The following MSI2 variants were observed in gnomAD, a reference collection of about 807,000 sequenced individuals.
MSI2 encodes musashi RNA binding protein 2.
In MSI2, 17 loss-of-function variants were observed where a neutral mutation model predicts 45.6. That is an observed-to-expected ratio of 0.37 (90% CI 0.26 to 0.56). The LOEUF (loss-of-function observed/expected upper bound fraction) is 0.56, where lower values mean the gene tolerates loss of function less well. MSI2 is among the 20% of genes least tolerant of loss of function. The pLI, the probability that MSI2 is intolerant of heterozygous loss-of-function variation, is 0.77. For missense variants in MSI2, 293 were observed against 444.2 expected (o/e 0.66, Z 3.06); for synonymous variants, 156 against 158.2 (o/e 0.99, Z 0.11).
chr17:57,280,168 CAG>C lies in MSI2; in HGVS notation c.312+17977_312+17978del, dbSNP rs377247365. Among the ~76,000 whole-genome samples the C allele has an allele frequency of 4.1e-3, 619 of 152,084 alleles. 2 individuals carry two copies. Among genetic ancestry groups the C allele is most frequent in the African/African-American group, 0.014 (584 of 41,468 alleles). ...GCTGGAATGCAGAGAGTGAGGAGGA[CAG>C]GGGGACAGGCGAGGTCACACTTGCG... is the stretch of plus-strand genomic sequence containing the variant. On this transcript the variant is annotated intron_variant, in intron 5 of 13. Transcript: ENST00000284073. The surrounding 1 kb of genome is among the most constrained non-coding windows in gnomAD (Gnocchi z 4.2).
chr17:57,700,827 G>A, the MSI2 span, among the ~76,000 whole-genome samples: 45 of 151,882 alleles, frequency 3.0e-4, no homozygotes, highest in Non-Finnish European at 4.6e-4. Context: ...GCTTGAACTC[G>A]AGAGGCGGGG....
At chr17:57,440,585 G>A (rs768213018) in intron 6 of MSI2, 5 of 152,192 alleles carry the variant, frequency 3.3e-5, no homozygotes, top group Admixed American at 6.6e-5. Flanking sequence ...TCTTAAAAAC[G>A]AGCTGGGCTA....
chr17:57,347,715 T>C (rs1915723053), intron 5 of MSI2, among the ~76,000 whole-genome samples: 1 of 152,178 alleles, frequency 6.6e-6, no homozygotes, highest in South Asian at 2.1e-4. Flanking sequence ...CTTGGTAGAG[T>C]AGGTTTGTCT....
chr17:57,484,867 C>G (rs17221329), intron 6 of MSI2, among the ~76,000 whole-genome samples: 4,991 of 152,250 alleles, frequency 0.033, 104 homozygotes, highest in South Asian at 0.063. Context: ...AGACCCAATT[C>G]CACTGCCACC....
At chr17:57,344,704 A>G (rs995756204) in intron 5 of MSI2, among the ~76,000 whole-genome samples, 1 of 152,298 alleles carries the variant, frequency 6.6e-6, no homozygotes, top group South Asian at 2.1e-4. Flanking sequence ...CATATTTTGG[A>G]AATCATGGGT....
At chr17:57,275,020 G>A (rs1009384902) in intron 5 of MSI2, among the ~76,000 whole-genome samples, 1 of 152,194 alleles carries the variant, frequency 6.6e-6, no homozygotes, top group Non-Finnish European at 1.5e-5. Flanking sequence ...AAGCCATCTC[G>A]AACATGGGAA....
chr17:57,588,483 G>T (rs1904522754), intron 7 of MSI2, among the ~76,000 whole-genome samples: 1 of 152,324 alleles, frequency 6.6e-6, no homozygotes, highest in Admixed American at 6.5e-5. Flanking sequence ...GTCTGGAAAG[G>T]TTCGGAGAAG....
chr17:57,483,454 C>G (rs1226618784), intron 6 of MSI2, among the ~76,000 whole-genome samples: 1 of 152,172 alleles, frequency 6.6e-6, no homozygotes, highest in Non-Finnish European at 1.5e-5. Flanking sequence ...TGGCGCCCCC[C>G]AAATTCACAT....
chr17:57,607,937 T>C (rs1487564328), intron 8 of MSI2, among the ~76,000 whole-genome samples: 1 of 152,150 alleles, frequency 6.6e-6, no homozygotes, highest in African/African-American at 2.4e-5. Context: ...CCCAAACCAT[T>C]CACAAGGGAT....
intron 7 of MSI2, among the ~76,000 whole-genome samples, chr17:57,537,222 C>T (rs1048154558): frequency 6.6e-6 from 1 of 152,200 alleles, no homozygotes; most frequent in African/African-American, 2.4e-5. Context: ...TTCTGTGCCT[C>T]CAGTGGGCTC....
At chr17:57,354,707 G>A (rs1448915674) in intron 5 of MSI2, among the ~76,000 whole-genome samples, 1 of 152,148 alleles carries the variant, frequency 6.6e-6, no homozygotes, top group Non-Finnish European at 1.5e-5. Context: ...GGGGGTGGGA[G>A]AGGAGTTTGA....
At chr17:57,257,166 G>T (rs770917477) in intron 2 of MSI2, 28 bp downstream of exon 2, 4 of 1,476,718 alleles carry the variant, frequency 2.7e-6, no homozygotes, top group Non-Finnish European at 3.7e-6. Flanking sequence ...GGACGCCTGG[G>T]TCCCCCCCTT....
intron 6 of MSI2, among the ~76,000 whole-genome samples, chr17:57,525,005 C>T (rs1005051089): frequency 2.6e-5 from 4 of 152,122 alleles, no homozygotes; most frequent in African/African-American, 9.7e-5. Flanking sequence ...GGCTCTGAGG[C>T]CCCCGGGAGA....
intron 11 of MSI2, among the ~76,000 whole-genome samples, chr17:57,663,804 C>T (rs1011067014): frequency 6.6e-6 from 1 of 152,182 alleles, no homozygotes; most frequent in African/African-American, 2.4e-5. Context: ...TGACTCCCCT[C>T]CCATCTGGCT....
intron 6 of MSI2, among the ~76,000 whole-genome samples, chr17:57,433,013 C>G (rs1234136540): frequency 1.3e-5 from 2 of 152,204 alleles, no homozygotes; most frequent in Non-Finnish European, 2.9e-5. Context: ...TCCCTACTTC[C>G]TGCCACAGTG....
At chr17:57,296,669 C>T (rs771977535) in intron 5 of MSI2, among the ~76,000 whole-genome samples, 3 of 152,032 alleles carry the variant, frequency 2.0e-5, no homozygotes, top group Non-Finnish European at 2.9e-5. Context: ...AGAAAAAAGA[C>T]ATCAGTAAAA....
intron 6 of MSI2, among the ~76,000 whole-genome samples, chr17:57,442,079 C>T (rs1484057109): frequency 1.3e-5 from 2 of 151,192 alleles, no homozygotes; most frequent in Non-Finnish European, 2.9e-5. Flanking sequence ...GCTCTGTCTC[C>T]AGGCTGGAGT....
intron 6 of MSI2, among the ~76,000 whole-genome samples, chr17:57,417,395 CTT>C (rs750137699): frequency 4.3e-4 from 65 of 152,100 alleles, no homozygotes; most frequent in Non-Finnish European, 7.9e-4. Context: ...GTGAGTTTGA[CTT>C]TGTCATCAGC....
At chr17:57,454,037 G>A (rs932455332) in intron 6 of MSI2, among the ~76,000 whole-genome samples, 1 of 152,250 alleles carries the variant, frequency 6.6e-6, no homozygotes, top group Non-Finnish European at 1.5e-5. Flanking sequence ...CGCCAAGGCT[G>A]ATACCTGGCA....
Sources: gnomAD v4.1 joint callset for allele counts (sites outside exome capture counted in the v4.1 genomes callset) on GRCh38, gnomAD v4.1.1 for gene constraint, Gnocchi (gnomAD v3.1) non-coding constraint, MANE v1.5 for transcripts, NCBI Gene and HGNC (gene_info 2026-07-23, HGNC 2026-07-21) for gene names.